The following ZCCHC7 variants were observed in gnomAD, a reference collection of about 807,000 sequenced individuals.
ZCCHC7 encodes the protein zinc finger CCHC domain-containing protein 7.
A neutral mutation model predicts 52.0 loss-of-function variants in ZCCHC7; 35 were observed. The observed-to-expected ratio is 0.67, with a 90% confidence interval of 0.51 to 0.89. The LOEUF is 0.89. Ranked by LOEUF, ZCCHC7 falls within the 40% of genes least tolerant of loss-of-function variation. The pLI is 0.00. For missense variants in ZCCHC7, 574 were observed against 649.1 expected, an observed-to-expected ratio of 0.88 and a Z score of 1.26; for synonymous variants, 217 against 221.5, an observed-to-expected ratio of 0.98 and a Z score of 0.18.
At chr9:37,293,834 A>G (rs1239730216) in intron 2 of ZCCHC7, among the ~76,000 whole-genome samples, 1 of 152,118 alleles carries the variant, frequency 6.6e-6, no homozygotes, top group Non-Finnish European at 1.5e-5. Context: ...TAATATGACT[A>G]ATAACTTAGC....
At chr9:37,302,076 C>G (rs1829053287) in intron 2 of ZCCHC7, 112 bp from the exon 3 acceptor site, 1 of 837,166 alleles carries the variant, frequency 1.2e-6, no homozygotes. Context: ...TTCAACATTT[C>G]TCAGTGTACC....
chr9:37,202,049 TACTG>T (rs1823660708), intron 2 of ZCCHC7, among the ~76,000 whole-genome samples: 1 of 152,260 alleles, frequency 6.6e-6, no homozygotes, highest in African/African-American at 2.4e-5. Flanking sequence ...ACATTTAGCA[TACTG>T]ACTTATTTGA....
chr9:37,162,262 G>T (rs1008020629), intron 2 of ZCCHC7, among the ~76,000 whole-genome samples: 1 of 151,800 alleles, frequency 6.6e-6, no homozygotes, highest in Non-Finnish European at 1.5e-5. Flanking sequence ...TATTTGACAC[G>T]TTTAAAATGT....
intron 8 of ZCCHC7, among the ~76,000 whole-genome samples, chr9:37,355,545 A>G (rs1006945410): frequency 6.6e-6 from 1 of 152,226 alleles, no homozygotes; most frequent in Non-Finnish European, 1.5e-5. Context: ...TGAGGAAAAT[A>G]GAGTTATTAC....
At chr9:37,283,061 A>G (rs1246208155) in intron 2 of ZCCHC7, among the ~76,000 whole-genome samples, 3 of 151,786 alleles carry the variant, frequency 2.0e-5, no homozygotes, top group Non-Finnish European at 2.9e-5. Context: ...ATTAAATTCA[A>G]TTGTTTTCTT....
chr9:37,183,198 C>G (rs1248705293), intron 2 of ZCCHC7, among the ~76,000 whole-genome samples: 1 of 152,154 alleles, frequency 6.6e-6, no homozygotes, highest in East Asian at 1.9e-4. Flanking sequence ...TGTTCATGTG[C>G]TTGAAATTAG....
intron 1 of ZCCHC7, among the ~76,000 whole-genome samples, chr9:37,121,064 G>T (rs1842293355): frequency 6.6e-6 from 1 of 152,214 alleles, no homozygotes; most frequent in South Asian, 2.1e-4. Flanking sequence ...AGCAGCTGCA[G>T]CAGTAGAATC....
At chr9:37,331,537 AGAAG>A (rs1423309258) in intron 6 of ZCCHC7, among the ~76,000 whole-genome samples, 15 of 151,628 alleles carry the variant, frequency 9.9e-5, no homozygotes, top group South Asian at 2.1e-4. Flanking sequence ...TTTACACTCC[AGAAG>A]GAAGGAATAA....
intron 6 of ZCCHC7, among the ~76,000 whole-genome samples, chr9:37,341,662 G>A (rs1242766994): frequency 6.6e-6 from 1 of 152,132 alleles, no homozygotes; most frequent in East Asian, 1.9e-4. Flanking sequence ...CAGTACAGCA[G>A]GATAGGGAGT....
chr9:37,123,018 G>T (rs1388491981), intron 1 of ZCCHC7, among the ~76,000 whole-genome samples: 5 of 152,226 alleles, frequency 3.3e-5, no homozygotes, highest in Non-Finnish European at 5.9e-5. Flanking sequence ...ACTTCTAGCC[G>T]TGTTCTTAAC....
At chr9:37,352,029 C>T (rs1821410217) in intron 7 of ZCCHC7, among the ~76,000 whole-genome samples, 1 of 152,064 alleles carries the variant, frequency 6.6e-6, no homozygotes, top group African/African-American at 2.4e-5. Context: ...GTGGCTAATC[C>T]AGAATAGTAG....
intron 2 of ZCCHC7, among the ~76,000 whole-genome samples, chr9:37,159,809 A>G (rs1820997680): frequency 6.6e-6 from 1 of 152,238 alleles, no homozygotes; most frequent in African/African-American, 2.4e-5. Flanking sequence ...AAGACATCAG[A>G]AAAACTAATC....
intron 2 of ZCCHC7, among the ~76,000 whole-genome samples, chr9:37,282,245 T>C (rs751331471): frequency 5.9e-5 from 9 of 152,204 alleles, no homozygotes; most frequent in Non-Finnish European, 1.3e-4. Flanking sequence ...ACCACTGAAC[T>C]GTACACTTAA....
chr9:37,157,467 G>C (rs918628086), intron 2 of ZCCHC7, among the ~76,000 whole-genome samples: 3 of 152,092 alleles, frequency 2.0e-5, no homozygotes, highest in African/African-American at 7.2e-5. Context: ...ACTGCAGCCT[G>C]GGTGACAGAG....
chr9:37,200,739 G>A (rs1823587725), intron 2 of ZCCHC7, among the ~76,000 whole-genome samples: 1 of 152,208 alleles, frequency 6.6e-6, no homozygotes, highest in South Asian at 2.1e-4. Flanking sequence ...GGAAAATAGA[G>A]TTGGAAGTGT....
At chr9:37,316,940 A>C (rs148156830) in intron 5 of ZCCHC7, among the ~76,000 whole-genome samples, 1 of 151,942 alleles carries the variant, frequency 6.6e-6, no homozygotes, top group Non-Finnish European at 1.5e-5. Context: ...AGATCAAAAA[A>C]AATAATAATA....
At chr9:37,336,883 C>G (rs536167033) in intron 6 of ZCCHC7, among the ~76,000 whole-genome samples, 1 of 152,274 alleles carries the variant, frequency 6.6e-6, no homozygotes, top group African/African-American at 2.4e-5. Flanking sequence ...CATCCATGTA[C>G]TAAATGGTTT....
At chr9:37,122,392 G>A (rs1433029397) in intron 1 of ZCCHC7, among the ~76,000 whole-genome samples, 1 of 152,200 alleles carries the variant, frequency 6.6e-6, no homozygotes, top group African/African-American at 2.4e-5. Flanking sequence ...GATATTTTAA[G>A]ATGTTATATA....
At chr9:37,205,259 TC>T (rs1011925909) in intron 2 of ZCCHC7, 3 of 337,604 alleles carry the variant, frequency 8.9e-6, no homozygotes, top group Admixed American at 3.0e-5. Flanking sequence ...TGTGAGGTGT[TC>T]CTTTTTGAAC....
Sources: allele counts gnomAD v4.1 joint callset (sites outside exome capture counted in the v4.1 genomes callset), GRCh38; gene constraint gnomAD v4.1.1; transcripts MANE v1.5; gene names NCBI Gene and HGNC (gene_info 2026-07-23, HGNC 2026-07-21).